The following FRMD5 variants were observed in gnomAD, a reference collection of about 807,000 sequenced individuals.
The protein encoded by FRMD5 is FERM domain-containing protein 5.
In FRMD5, 20 loss-of-function variants were observed where a neutral mutation model predicts 69.0. The observed-to-expected ratio is 0.29, with a 90% CI of 0.20 to 0.42. FRMD5 has a LOEUF of 0.42. Among genes scored for constraint, FRMD5 ranks in the 10% least tolerant of loss-of-function variants. The pLI is 1.00. For synonymous variants in FRMD5, 271 were observed against 260.1 expected (o/e 1.04, Z -0.40); for missense variants, 595 against 708.6 (o/e 0.84, Z 1.82).
intron 1 of FRMD5, among the ~76,000 whole-genome samples, chr15:44,044,374 G>T (rs1259074326): frequency 6.6e-6 from 1 of 152,180 alleles, no homozygotes; most frequent in African/African-American, 2.4e-5. Flanking sequence ...GACTCCTCTA[G>T]TATCTAGAAC....
At chr15:43,949,261 C>T (rs1353282691) in intron 1 of FRMD5, among the ~76,000 whole-genome samples, 1 of 152,208 alleles carries the variant, frequency 6.6e-6, no homozygotes, top group East Asian at 1.9e-4. Context: ...CTTCTTACTC[C>T]TTCCCTTCCC....
At chr15:43,929,340 G>A (rs2089636926) in intron 1 of FRMD5, among the ~76,000 whole-genome samples, 1 of 152,170 alleles carries the variant, frequency 6.6e-6, no homozygotes. Flanking sequence ...TCATGGATGA[G>A]GTTAATCCCA....
intron 1 of FRMD5, among the ~76,000 whole-genome samples, chr15:44,005,036 C>T (rs956173788): frequency 1.3e-5 from 2 of 152,174 alleles, no homozygotes; most frequent in African/African-American, 4.8e-5. Context: ...TTAATCAAAG[C>T]CAAATCCAGA....
At chr15:44,055,167 C>T (rs1338578448) in intron 1 of FRMD5, among the ~76,000 whole-genome samples, 1 of 151,958 alleles carries the variant, frequency 6.6e-6, no homozygotes, top group Non-Finnish European at 1.5e-5. Context: ...AAATGCAGCC[C>T]TGCTTCTCTC....
chr15:43,883,625 T>C (rs912179275), intron 13 of FRMD5, 78 bp downstream of exon 13: 2 of 1,010,702 alleles, frequency 2.0e-6, no homozygotes, highest in African/African-American at 1.6e-5. Flanking sequence ...CCATCACTAA[T>C]GCAAATTAGC....
chr15:43,966,699 C>T (rs2929275), intron 1 of FRMD5, among the ~76,000 whole-genome samples: 25,061 of 152,054 alleles, frequency 0.16, 4,420 homozygotes, highest in African/African-American at 0.44. Flanking sequence ...GCCTTTTGCT[C>T]AGAGCCAAAG....
intron 1 of FRMD5, among the ~76,000 whole-genome samples, chr15:44,121,642 G>A (rs2140660928): frequency 2.0e-5 from 3 of 148,300 alleles, no homozygotes; most frequent in East Asian, 2.0e-4. Flanking sequence ...CTTTAAAGGG[G>A]AAACTTACCA....
At chr15:43,964,426 A>G (rs1283398218) in intron 1 of FRMD5, among the ~76,000 whole-genome samples, 2 of 151,510 alleles carry the variant, frequency 1.3e-5, no homozygotes, top group Non-Finnish European at 2.9e-5. Flanking sequence ...CAGCCCTTTG[A>G]GCCATGATTG....
At chr15:44,166,760 G>A (rs111386083) in intron 1 of FRMD5, among the ~76,000 whole-genome samples, 2 of 146,452 alleles carry the variant, frequency 1.4e-5, no homozygotes, top group African/African-American at 5.1e-5. Flanking sequence ...CTCTAGCCTG[G>A]GTGACAAAGT....
At chr15:43,974,285 G>A (rs901399657) in intron 1 of FRMD5, among the ~76,000 whole-genome samples, 3 of 152,154 alleles carry the variant, frequency 2.0e-5, no homozygotes, top group African/African-American at 7.2e-5. Context: ...AAGCAATCTA[G>A]GAGGTGAACA....
chr15:44,041,442 T>C (rs1038000705), intron 1 of FRMD5, among the ~76,000 whole-genome samples: 1 of 152,066 alleles, frequency 6.6e-6, no homozygotes, highest in Non-Finnish European at 1.5e-5. Flanking sequence ...AATAGACATC[T>C]ACAGAACTCT....
intron 1 of FRMD5, among the ~76,000 whole-genome samples, chr15:43,926,609 G>A (rs761375869): frequency 2.7e-4 from 41 of 152,014 alleles, no homozygotes; most frequent in Non-Finnish European, 5.3e-4. Flanking sequence ...TGCTGATCTC[G>A]CGGCAGTTAT....
upstream of FRMD5, among the ~76,000 whole-genome samples, chr15:44,196,974 C>T (rs1318117686): frequency 3.3e-5 from 5 of 152,160 alleles, no homozygotes; most frequent in Non-Finnish European, 7.3e-5. Flanking sequence ...ATGCGCTCCA[C>T]TACTTTGTAG....
intron 1 of FRMD5, among the ~76,000 whole-genome samples, chr15:44,075,898 C>T (rs1177549719): frequency 6.6e-6 from 1 of 152,164 alleles, no homozygotes; most frequent in African/African-American, 2.4e-5. Flanking sequence ...TTTTGATTTG[C>T]ATTTCTCTGA....
rs138533595 is a variant in FRMD5, at chr15:44,012,079, A to G, written c.103-87770T>C. Among the ~76,000 whole-genome samples, 927 of 152,250 alleles carry G rather than the reference A, an allele frequency of 6.1e-3. 4 individuals carry two copies. The highest frequency in any genetic ancestry group is 0.01 in the Non-Finnish European group (696 of 68,028). Reference sequence around the variant, plus strand: ...CTGTTCACTTTCACTGCTATGTGCAAATTTCTAAAGACCTTCATTTTAAGG... The same window carrying G: ...CTGTTCACTTTCACTGCTATGTGCAGATTTCTAAAGACCTTCATTTTAAGG... On this transcript the variant is annotated intron_variant, in intron 1 of 13. Transcript: ENST00000417257.
chr15:44,190,374 T>C (rs1304449783), intron 1 of FRMD5, among the ~76,000 whole-genome samples: 1 of 152,216 alleles, frequency 6.6e-6, no homozygotes, highest in Non-Finnish European at 1.5e-5. Flanking sequence ...AGGAAACTTC[T>C]GTAGCTATGG....
chr15:44,173,832 A>C (rs1031308484), intron 1 of FRMD5, among the ~76,000 whole-genome samples: 3 of 152,140 alleles, frequency 2.0e-5, no homozygotes. Context: ...ATTTTTTAAA[A>C]ATCCTGTGTG....
chr15:43,985,554 A>G (rs1016610751), intron 1 of FRMD5, among the ~76,000 whole-genome samples: 2 of 152,188 alleles, frequency 1.3e-5, no homozygotes, highest in Non-Finnish European at 2.9e-5. Flanking sequence ...ATTTAAATAT[A>G]TAGATTCTGA....
At chr15:44,189,071 C>T (rs992100192) in intron 1 of FRMD5, among the ~76,000 whole-genome samples, 4 of 152,204 alleles carry the variant, frequency 2.6e-5, no homozygotes, top group Admixed American at 6.5e-5. Context: ...GAGCATGGCA[C>T]GGAAGGATCT....
Sources: allele counts gnomAD v4.1 joint callset (sites outside exome capture counted in the v4.1 genomes callset), GRCh38; gene constraint gnomAD v4.1.1; transcripts MANE v1.5; gene names NCBI Gene and HGNC (gene_info 2026-07-23, HGNC 2026-07-21).